NUDT6: variants seen among roughly 807,000 people sequenced by gnomAD.
NUDT6 encodes nudix hydrolase 6, also known as FAD diphosphatase NUDT6.
NUDT6 carries 24 observed loss-of-function variants against 36.8 expected under a neutral mutation model. That is an observed-to-expected ratio of 0.65 (90% confidence interval 0.47 to 0.92). NUDT6 has a LOEUF of 0.92. NUDT6 is among the 40% of genes least tolerant of loss of function. NUDT6 has a pLI of 0.00. For synonymous variants in NUDT6, 163 were observed against 157.0 expected, an observed-to-expected ratio of 1.04 and a Z score of -0.29; for missense variants, 388 against 392.8, an observed-to-expected ratio of 0.99 and a Z score of 0.10.
intron 3 of NUDT6, among the ~76,000 whole-genome samples, chr4:122,899,985 A>G (rs1381137548): frequency 6.6e-6 from 1 of 152,010 alleles, no homozygotes; most frequent in Non-Finnish European, 1.5e-5. Flanking sequence ...GCATTTACTC[A>G]GTACAGATTT....
In NUDT6 at chr4:122,922,591, G is replaced by T. The variant is rs772258419; in HGVS notation, c.-19C>A. On this transcript the variant is annotated 5_prime_UTR_variant, in exon 1 of 5. Transcript: ENST00000304430. Reference sequence around the variant, plus strand: ...GCCGCATCTCCACGCCGCTTAATTCGTCCGTTGCCCAAATGACCCCTCCGC... The same window carrying T: ...GCCGCATCTCCACGCCGCTTAATTCTTCCGTTGCCCAAATGACCCCTCCGC... The T allele has an allele frequency of 5.1e-6, 8 of 1,580,312 alleles. No individual in the cohort carries two copies. Among genetic ancestry groups the T allele is most frequent in the Non-Finnish European group, 6.0e-6 (7 of 1,167,614 alleles).
chr4:122,911,368 G>T (rs1421747267), intron 3 of NUDT6, among the ~76,000 whole-genome samples: 1 of 152,120 alleles, frequency 6.6e-6, no homozygotes, highest in Non-Finnish European at 1.5e-5. Context: ...AAACTCATCT[G>T]CCTGGTTCTC....
intron 2 of NUDT6, among the ~76,000 whole-genome samples, chr4:122,917,242 C>G (rs1038484604): frequency 1.3e-5 from 2 of 152,094 alleles, no homozygotes; most frequent in African/African-American, 2.4e-5. Context: ...CTGTGCCTAA[C>G]TTATAAGTTA....
At chr4:122,902,995 G>C (rs957143304) in intron 3 of NUDT6, among the ~76,000 whole-genome samples, 39 of 151,952 alleles carry the variant, frequency 2.6e-4, no homozygotes, top group African/African-American at 9.2e-4. Context: ...AAGTAAATAA[G>C]TATATATAAT....
intron 2 of NUDT6, among the ~76,000 whole-genome samples, 162 bp downstream of exon 2, chr4:122,917,339 G>C (rs113214446): frequency 5.3e-5 from 8 of 152,284 alleles, no homozygotes; most frequent in African/African-American, 1.9e-4. Flanking sequence ...GTGCCCACTG[G>C]GGGTCTTGGA....
In NUDT6 at chr4:122,917,381, G is replaced by A. The variant is rs536967022; in HGVS notation, c.442+120C>T. ...CCTGTGCAGATAGGGTGGAACCACC[G>A]TAATCATTTAATCAAATAACTCATT... On this transcript the variant is annotated intron_variant, in intron 2 of 4. Transcript: ENST00000304430. 1.1e-4 allele frequency: 94 copies of A among 893,186 alleles called. 1 individual carries two copies. Among genetic ancestry groups the A allele is most frequent in the South Asian group, 8.1e-4 (53 of 65,090 alleles). 55.3% of individuals were successfully genotyped at this position (893,186 alleles called of 1,614,324 possible). A position where few individuals can be genotyped will look rare whatever the true frequency, so the allele number is the denominator to read the frequency against.
Position 122,922,333 on chromosome 4 carries a change from G to A in NUDT6, c.238+2C>T. 1 of 1,597,360 alleles carries A rather than the reference G, an allele frequency of 6.3e-7. No individual in the cohort carries two copies. Among genetic ancestry groups the A allele is most frequent in the Non-Finnish European group, 8.5e-7 (1 of 1,177,576 alleles). ...GGAGCCCTTCGTCCCAGGCGCACTT[G>A]CCCTGCAAGCCCTTCTGGAAGGCGG... On this transcript the variant is annotated splice_donor_variant, in intron 1 of 4. Coordinates refer to ENST00000304430, the MANE Select transcript of NUDT6 (RefSeq NM_007083.5). LOFTEE classifies it low-confidence loss of function (GC_TO_GT_DONOR).
At chr4:122,916,024 A>G (rs1323414244) in intron 2 of NUDT6, among the ~76,000 whole-genome samples, 1 of 152,200 alleles carries the variant, frequency 6.6e-6, no homozygotes, top group Non-Finnish European at 1.5e-5. Context: ...CATTGCTTTC[A>G]TTTATTAAGG....
At chr4:122,906,797 G>A (rs1387007898) in intron 3 of NUDT6, among the ~76,000 whole-genome samples, 1 of 152,180 alleles carries the variant, frequency 6.6e-6, no homozygotes, top group African/African-American at 2.4e-5. Context: ...ACAGGTTGCA[G>A]TAAAGAAGCC....
upstream of NUDT6, chr4:122,922,922 A>C (rs1328099042): frequency 1.2e-5 from 7 of 600,624 alleles, no homozygotes; most frequent in Middle Eastern, 4.5e-4. Context: ...CGTTCCTGGA[A>C]CCTATCTTCT....
Position 122,906,067 on chromosome 4 carries a change from C to T in NUDT6, c.498+6501G>A, listed in dbSNP as rs148905515. The stretch of plus-strand genomic sequence containing the variant: ...ATTCTTATGTCCATTCACTCAGGGT[C>T]GCAGGATCCCCACTCTTTTCCTGTT... On this transcript the variant is annotated intron_variant, in intron 3 of 4. Coordinates refer to ENST00000304430, the MANE Select transcript of NUDT6 (RefSeq NM_007083.5). 3.1e-3 allele frequency among the ~76,000 whole-genome samples: 472 copies of T among 152,262 alleles called. 18 individuals are homozygous for T. The highest frequency in any genetic ancestry group is 0.026 in the Admixed American group (397 of 15,286).
rs370666355 is a variant in NUDT6, at chr4:122,917,818, C to T, written c.239-114G>A. The T allele has an allele frequency of 1.9e-5, 16 of 835,814 alleles. No homozygotes were observed. In the African/African-American group the frequency reaches 2.0e-4, roughly 11 times the overall value. 51.8% of individuals were successfully genotyped at this position (835,814 alleles called of 1,614,324 possible). ...AAACCATCTTTAAGCAAAAGAGGTC[C>T]CCAAATGTCTTGTTCACATCGCTGG... On this transcript the variant is annotated intron_variant, in intron 1 of 4. Coordinates refer to ENST00000304430, the MANE Select transcript of NUDT6 (RefSeq NM_007083.5).
chr4:122,919,002 T>C (rs974474892), intron 1 of NUDT6: 2 of 152,232 alleles, frequency 1.3e-5, no homozygotes, highest in Non-Finnish European at 2.9e-5. Flanking sequence ...ATTAAAAGGC[T>C]ACTTTCTAAA....
chr4:122,922,020 T>C (rs1024102193), intron 1 of NUDT6: 2 of 331,558 alleles, frequency 6.0e-6, no homozygotes, highest in Admixed American at 4.9e-5. Context: ...GGAGTTCTTA[T>C]CACCGGGGTC....
chr4:122,920,384 T>C (rs1031325102), intron 1 of NUDT6: 3 of 152,236 alleles, frequency 2.0e-5, no homozygotes, highest in African/African-American at 7.2e-5. Context: ...GGAGGATTAA[T>C]TACTATTTAT....
intron 4 of NUDT6, chr4:122,895,519 G>T (rs1727322367): frequency 6.6e-6 from 1 of 152,232 alleles, no homozygotes; most frequent in Non-Finnish European, 1.5e-5. Flanking sequence ...GTGCACTGAT[G>T]ATCTCTGATA....
At chr4:122,909,542 GC>G (rs1727690815) in intron 3 of NUDT6, among the ~76,000 whole-genome samples, 1 of 152,140 alleles carries the variant, frequency 6.6e-6, no homozygotes, top group African/African-American at 2.4e-5. Context: ...AGGAATGTGT[GC>G]TATAACAGAG....
chr4:122,909,518 C>G (rs72674947), intron 3 of NUDT6, among the ~76,000 whole-genome samples: 3,338 of 152,208 alleles, frequency 0.022, 62 homozygotes, highest in Non-Finnish European at 0.036. Context: ...CCGAAAACCT[C>G]ATAAACTAGG....
chr4:122,915,483 A>ACAAAAAAC (rs1553952474), intron 2 of NUDT6, among the ~76,000 whole-genome samples: 2 of 42,888 alleles, frequency 4.7e-5, no homozygotes, highest in African/African-American at 7.0e-5. Context: ...AAAAAAAAAA[A>ACAAAAAAC]AAAAAAAAAA....
Sources: gnomAD v4.1 joint callset for allele counts (sites outside exome capture counted in the v4.1 genomes callset) on GRCh38, gnomAD v4.1.1 for gene constraint, MANE v1.5 for transcripts, NCBI Gene and HGNC (gene_info 2026-07-23, HGNC 2026-07-21) for gene names.